MKRN1: variants seen among roughly 807,000 people sequenced by gnomAD.
MKRN1 encodes E3 ubiquitin-protein ligase makorin-1.
MKRN1 carries 9 observed loss-of-function variants against 55.5 expected under a neutral mutation model. The observed-to-expected ratio is 0.16, with a 90% confidence interval of 0.10 to 0.28. MKRN1 has a LOEUF of 0.28. MKRN1 is among the 10% of genes least tolerant of loss of function. The probability of loss-of-function intolerance (pLI) is 1.00; values close to 1 mark genes in which losing one functional copy is unlikely to be tolerated. For synonymous variants in MKRN1, 253 were observed against 235.9 expected (o/e 1.07, Z -0.66); for missense variants, 488 against 626.7 (o/e 0.78, Z 2.36).
At chr7:140,461,957 T>C (rs1794632588) in intron 2 of MKRN1, among the ~76,000 whole-genome samples, 1 of 152,208 alleles carries the variant, frequency 6.6e-6, no homozygotes, top group Non-Finnish European at 1.5e-5. Context: ...CACTCCAGCC[T>C]GGGCAACAAG....
chr7:140,457,255 A>T (rs937424121), intron 4 of MKRN1, among the ~76,000 whole-genome samples: 1 of 152,166 alleles, frequency 6.6e-6, no homozygotes, highest in Non-Finnish European at 1.5e-5. Context: ...GGTGACAGGC[A>T]CGTAAACTCT....
At position 140,479,195 on chromosome 7, in the gene MKRN1, G is replaced by A; in HGVS notation, c.150C>T (p.Gly50=). ...GAGGGGGGSD[G]SGGGWTKQVT... is the part of the protein sequence containing the mutation. ...CCTGTTTAGTCCAGCCGCCGCCGCT[G>A]CCGTCGCTGCCGCCGCCCCCTCCGC... Residue 50 remains glycine (G), a synonymous_variant, in exon 1 of 8, where the codon GGC becomes GGT. Coordinates refer to ENST00000255977, the MANE Select transcript of MKRN1 (RefSeq NM_013446.4). 1 of 1,464,184 alleles carries A rather than the reference G, an allele frequency of 6.8e-7. No individual in the cohort carries two copies. The highest frequency in any genetic ancestry group is 1.3e-5 in the South Asian group (1 of 75,300). 90.7% of individuals were successfully genotyped at this position (1,464,184 alleles called of 1,614,324 possible).
Position 140,459,049 on chromosome 7 carries a change from G to A in MKRN1, c.729C>T (p.Val243=). ...TCTGGGCAGCATCCATTGGATGCAG[G>A]ACCTGCAGCCCACACATGTCACAAG... is the stretch of plus-strand genomic sequence containing the variant. The part of the protein sequence containing the change: ...GDSCDMCGLQ[V]LHPMDAAQRS... Residue 243 remains valine, a synonymous_variant, in exon 4 of 8, where the codon GTC becomes GTT. Coordinates refer to ENST00000255977, the MANE Select transcript of MKRN1 (RefSeq NM_013446.4). 1 of 1,613,956 alleles carries A rather than the reference G, an allele frequency of 6.2e-7. No homozygotes were observed.
intron 1 of MKRN1, among the ~76,000 whole-genome samples, chr7:140,476,163 C>G (rs910733937): frequency 6.6e-6 from 1 of 152,114 alleles, no homozygotes; most frequent in Non-Finnish European, 1.5e-5. Flanking sequence ...CTAAAACACA[C>G]CTCTACCTGA....
At chr7:140,463,626 C>G (rs1218014031) in intron 2 of MKRN1, among the ~76,000 whole-genome samples, 1 of 152,126 alleles carries the variant, frequency 6.6e-6, no homozygotes, top group Non-Finnish European at 1.5e-5. Context: ...TGGCTCACGC[C>G]TGTAATCCCA....
intron 2 of MKRN1, among the ~76,000 whole-genome samples, chr7:140,470,039 T>G (rs1458015847): frequency 9.0e-6 from 1 of 110,624 alleles, no homozygotes; most frequent in Non-Finnish European, 1.8e-5. Context: ...AGAGCTAGGC[T>G]CTGTCTCAAA....
At chr7:140,458,294 G>A (rs970874699) in intron 4 of MKRN1, among the ~76,000 whole-genome samples, 5 of 152,182 alleles carry the variant, frequency 3.3e-5, no homozygotes, top group South Asian at 2.1e-4. Flanking sequence ...AACAAATGTG[G>A]TCTAGCCATA....
At chr7:140,457,345 G>C (rs1222896764) in intron 4 of MKRN1, among the ~76,000 whole-genome samples, 1 of 152,144 alleles carries the variant, frequency 6.6e-6, no homozygotes, top group Non-Finnish European at 1.5e-5. Context: ...CTTAGGTTAG[G>C]TTAGATTAGC....
intron 6 of MKRN1, chr7:140,455,474 A>G: frequency 1.7e-6 from 1 of 571,886 alleles, no homozygotes; most frequent in Middle Eastern, 3.8e-4. Flanking sequence ...ATAGAGAGAA[A>G]ATCTTCTAGA....
rs190659838 is a variant in MKRN1 at position 140,457,170 on chromosome 7, G to A, written c.772-304C>T. On this transcript the variant is annotated intron_variant, in intron 4 of 7. Transcript: ENST00000255977. ...CCTGGAGCTCAACTACATTAAAGAC[G>A]GTTTTCCATACTGTTTGTTATTTCT... 1.9e-3 allele frequency among the ~76,000 whole-genome samples: 296 copies of A among 152,034 alleles called. 4 individuals carry two copies. The highest frequency in any genetic ancestry group is 6.2e-3 in the African/African-American group (258 of 41,480).
intron 6 of MKRN1, 117 bp from the exon 7 acceptor site, chr7:140,455,350 T>A (rs1001054657): frequency 1.4e-5 from 18 of 1,264,240 alleles, no homozygotes; most frequent in Non-Finnish European, 2.0e-5. Flanking sequence ...CTTACAGCCC[T>A]CCCCAAGATG....
intron 1 of MKRN1, among the ~76,000 whole-genome samples, chr7:140,474,112 AG>A (rs1454386453): frequency 1.3e-5 from 2 of 152,030 alleles, no homozygotes; most frequent in African/African-American, 4.8e-5. Context: ...CTACAATCCC[AG>A]CACTTTGGGA....
rs1184750363 is a variant in MKRN1 at position 140,459,070 on chromosome 7, A to G, written c.708T>C (p.Cys236=). Residue 236 remains cysteine (C), a synonymous_variant, in exon 4 of 8, where the codon TGT becomes TGC. Transcript: ENST00000255977. ...ENCVYLHGDS[C]DMCGLQVLHP... ...GCAGGACCTGCAGCCCACACATGTC[A>G]CAAGAATCTCCGTGGAGATACACAC... 1 of 1,613,938 alleles carries G rather than the reference A, an allele frequency of 6.2e-7. No individual in the cohort carries two copies. The highest frequency in any genetic ancestry group is 1.7e-5 in the Admixed American group (1 of 60,004).
chr7:140,462,993 C>T (rs1585474852), intron 2 of MKRN1, among the ~76,000 whole-genome samples: 1 of 152,012 alleles, frequency 6.6e-6, no homozygotes, highest in African/African-American at 2.4e-5. Flanking sequence ...TGCGCGGTGG[C>T]TCATGCCTGT....
chr7:140,478,458 G>C (rs946212144), intron 1 of MKRN1: 3 of 150,886 alleles, frequency 2.0e-5, no homozygotes, highest in Non-Finnish European at 4.4e-5. Flanking sequence ...CATAGCGCTG[G>C]GGGAGGGTAA....
chr7:140,456,155 A>G, intron 5 of MKRN1: 1 of 1,206,424 alleles, frequency 8.3e-7, no homozygotes, highest in Non-Finnish European at 1.0e-6. Flanking sequence ...GTAAAAAACA[A>G]AAACAAAAGA....
At chr7:140,476,167 T>C (rs981249636) in intron 1 of MKRN1, among the ~76,000 whole-genome samples, 1 of 152,176 alleles carries the variant, frequency 6.6e-6, no homozygotes, top group African/African-American at 2.4e-5. Context: ...AACACACCTC[T>C]ACCTGATTCT....
chr7:140,455,509 C>A (rs1300006430), intron 6 of MKRN1: 2 of 563,894 alleles, frequency 3.5e-6, no homozygotes, highest in Non-Finnish European at 3.1e-6. Flanking sequence ...GAACATAGGA[C>A]AGCTATGACA....
chr7:140,470,488 G>A (rs1050221789), intron 2 of MKRN1, among the ~76,000 whole-genome samples: 2 of 151,860 alleles, frequency 1.3e-5, no homozygotes, highest in Admixed American at 1.3e-4. Context: ...CGGAAGATGA[G>A]GCAGGAGAAT....
Sources: gnomAD v4.1 joint callset for allele counts (sites outside exome capture counted in the v4.1 genomes callset) on GRCh38, gnomAD v4.1.1 for gene constraint, MANE v1.5 for transcripts, NCBI Gene and HGNC (gene_info 2026-07-23, HGNC 2026-07-21) for gene names.